EFCAB6: variants seen among roughly 807,000 people sequenced by gnomAD.
The protein encoded by EFCAB6 is EF-hand calcium binding domain 6, also known as EF-hand calcium-binding domain-containing protein 6.
Under a neutral mutation model 169.8 loss-of-function variants are expected in EFCAB6, and 156 were observed. The observed-to-expected ratio is 0.92, with a 90% confidence interval of 0.81 to 1.05. EFCAB6 has a LOEUF of 1.05. Among genes scored for constraint, EFCAB6 ranks in the 50% least tolerant of loss-of-function variants. The probability of loss-of-function intolerance (pLI) is 0.00; values close to 1 mark genes in which losing one functional copy is unlikely to be tolerated. For synonymous variants in EFCAB6, 698 were observed against 676.4 expected (o/e 1.03, Z -0.50); for missense variants, 1,800 against 1,829.1 (o/e 0.98, Z 0.29).
At chr22:43,567,121 ATCC>A (rs1193711375) in intron 26 of EFCAB6, among the ~76,000 whole-genome samples, 1 of 132,310 alleles carries the variant, frequency 7.6e-6, no homozygotes, top group Non-Finnish European at 1.7e-5. Context: ...CCTCCTCATC[ATCC>A]TCCTCGTCCT....
At chr22:43,543,449 T>C (rs1246555810) in intron 27 of EFCAB6, among the ~76,000 whole-genome samples, 5 of 152,132 alleles carry the variant, frequency 3.3e-5, no homozygotes, top group Non-Finnish European at 7.4e-5. Context: ...CCCGATAGGA[T>C]GCAGAAGCCT....
At chr22:43,679,993 A>T (rs1390155875) in intron 12 of EFCAB6, among the ~76,000 whole-genome samples, 1 of 152,140 alleles carries the variant, frequency 6.6e-6, no homozygotes, top group Non-Finnish European at 1.5e-5. Flanking sequence ...ATAAAGTCCA[A>T]TGTATCAATT....
At chr22:43,740,640 C>A (rs1258613779) in intron 6 of EFCAB6, among the ~76,000 whole-genome samples, 1 of 152,200 alleles carries the variant, frequency 6.6e-6, no homozygotes, top group Non-Finnish European at 1.5e-5. Flanking sequence ...CAGCTGACAA[C>A]CAAAGAACAT....
chr22:43,643,498 T>A (rs556120094), intron 17 of EFCAB6, among the ~76,000 whole-genome samples: 1 of 152,242 alleles, frequency 6.6e-6, no homozygotes, highest in Non-Finnish European at 1.5e-5. Flanking sequence ...GACTGCTGGG[T>A]GTGCTGCTGC....
At chr22:43,742,335 G>A (rs1318424160) in intron 6 of EFCAB6, among the ~76,000 whole-genome samples, 1 of 152,106 alleles carries the variant, frequency 6.6e-6, no homozygotes, top group Admixed American at 6.5e-5. Context: ...TATCGTCTAG[G>A]GACTGCTTTC....
rs367597438 is a variant in EFCAB6, at chr22:43,795,868, TAC to T, written c.-8+13125_-8+13126del. On this transcript the variant is annotated intron_variant, in intron 2 of 31. Coordinates refer to ENST00000262726, the MANE Select transcript of EFCAB6 (RefSeq NM_022785.4). This position sits in a 1 kb window ranked among gnomAD's most constrained non-coding sequence, Gnocchi z 4.2. ...ACACACTCACCACATACTCTCACCA[TAC>T]ACAGTCACCACACACAATACACACT... Among the ~76,000 whole-genome samples, 69 of 149,326 alleles carry T rather than the reference TAC, an allele frequency of 4.6e-4. 2 individuals carry two copies. In the South Asian group the frequency reaches 5.8e-3, roughly 13 times the overall value.
At chr22:43,581,515 C>T (rs1032294255) in intron 24 of EFCAB6, among the ~76,000 whole-genome samples, 34 of 152,126 alleles carry the variant, frequency 2.2e-4, no homozygotes, top group Admixed American at 1.0e-3. Flanking sequence ...AAAAGTCTCA[C>T]GGAACATATA....
In EFCAB6 at chr22:43,570,789, G is replaced by A. The variant is rs1034545468; in HGVS notation, c.3420+5508C>T. 2.6e-5 allele frequency among the ~76,000 whole-genome samples: 4 copies of A among 152,222 alleles called. No homozygotes were observed. The East Asian group carries it at 7.7e-4, about 29-fold the overall frequency. ...GCTCCGGTCTGAAAAGACACACGTC[G>A]CCTTCCCTTCCCGGAAGCTCGCAGG... On this transcript the variant is annotated intron_variant, in intron 26 of 31. Coordinates refer to ENST00000262726, the MANE Select transcript of EFCAB6 (RefSeq NM_022785.4).
intron 18 of EFCAB6, 32 bp downstream of exon 18, chr22:43,635,070 T>C (rs2055282245): frequency 6.3e-7 from 1 of 1,574,838 alleles, no homozygotes; most frequent in Non-Finnish European, 8.7e-7. Flanking sequence ...CCAGGACGCA[T>C]CCCACAGGGT....
At position 43,555,030 on chromosome 22, in the gene EFCAB6, C is replaced by A; in HGVS notation, c.3487G>T (p.Asp1163Tyr). The A allele has an allele frequency of 6.2e-7, 1 of 1,614,214 alleles. No individual in the cohort carries two copies. Among genetic ancestry groups the A allele is most frequent in the Non-Finnish European group, 8.5e-7 (1 of 1,180,026 alleles). Residue 1163 changes from aspartate (D) to tyrosine (Y), a missense_variant, in exon 27 of 32, where the codon GAC becomes TAC. Physicochemically the swap from Asp to Tyr is radical, Grantham distance 160. Transcript: ENST00000262726. ...TGGAGGCGAGCCAGGATGTCTCTGT[C>A]GGCTGTGGCCTTGGGAGAGGTAGGC... is the stretch of plus-strand genomic sequence containing the variant. ...PPPTSPKATA[D>Y]RDILARLHKA... is the part of the protein sequence containing the mutation.
At chr22:43,545,794 G>A (rs7289004) in intron 27 of EFCAB6, among the ~76,000 whole-genome samples, 30,349 of 152,186 alleles carry the variant, frequency 0.2, 3,243 homozygotes, top group Middle Eastern at 0.26. Flanking sequence ...TGGAGGAACC[G>A]AAGCAGCGTC....
chr22:43,799,774 C>A (rs5764309), intron 2 of EFCAB6, among the ~76,000 whole-genome samples: 2 of 152,020 alleles, frequency 1.3e-5, no homozygotes, highest in African/African-American at 2.4e-5. Flanking sequence ...CATATGAAGA[C>A]GAAACAGATC....
At chr22:43,707,213 C>A in intron 10 of EFCAB6, among the ~76,000 whole-genome samples, 1 of 151,850 alleles carries the variant, frequency 6.6e-6, no homozygotes. Context: ...AAAATCGATC[C>A]TAGAAAAATA....
intron 10 of EFCAB6, among the ~76,000 whole-genome samples, chr22:43,708,089 T>C (rs896214497): frequency 1.0e-4 from 12 of 115,544 alleles, no homozygotes; most frequent in African/African-American, 4.0e-4. Context: ...TAAAGAAAAC[T>C]AAAAAAAAAA....
intron 22 of EFCAB6, 144 bp from the exon 23 acceptor site, chr22:43,600,407 G>GC (rs1234611880): frequency 2.4e-6 from 2 of 822,448 alleles, no homozygotes; most frequent in African/African-American, 3.4e-5. Flanking sequence ...TGGGCCAGCG[G>GC]AATCAGCCCC....
intron 31 of EFCAB6, chr22:43,530,498 C>T: frequency 1.0e-6 from 1 of 984,544 alleles, no homozygotes; most frequent in Non-Finnish European, 1.2e-6. Flanking sequence ...GGGGAGAGGG[C>T]TCGGAGCAGC....
chr22:43,548,761 GACA>G (rs373259609), intron 27 of EFCAB6, among the ~76,000 whole-genome samples: 11 of 151,986 alleles, frequency 7.2e-5, no homozygotes, highest in African/African-American at 2.4e-4. Context: ...AGACAAAAAG[GACA>G]ACGAGTTTTT....
intron 25 of EFCAB6, 75 bp from the exon 26 acceptor site, chr22:43,576,563 T>C (rs1283964962): frequency 1.2e-5 from 15 of 1,290,622 alleles, no homozygotes. Context: ...CCTTAAGTAC[T>C]GTTTCTGCTG....
chr22:43,552,206 A>G (rs1421356327), intron 27 of EFCAB6: 1 of 152,104 alleles, frequency 6.6e-6, no homozygotes, highest in Non-Finnish European at 1.5e-5. Context: ...CCTATCACTG[A>G]TGGGCATTTA....
Sources: gnomAD v4.1 joint callset for allele counts (sites outside exome capture counted in the v4.1 genomes callset) on GRCh38, gnomAD v4.1.1 for gene constraint, Gnocchi (gnomAD v3.1) non-coding constraint, MANE v1.5 for transcripts, NCBI Gene and HGNC (gene_info 2026-07-23, HGNC 2026-07-21) for gene names.